FARS2: variants seen among roughly 807,000 people sequenced by gnomAD.
The protein encoded by FARS2 is phenylalanyl-tRNA synthetase 2, mitochondrial.
Under a neutral mutation model 46.4 loss-of-function variants are expected in FARS2, and 40 were observed. The ratio of observed to expected loss-of-function variants is 0.86; its 90% CI spans 0.67 to 1.12. The LOEUF is 1.12. Ranked by LOEUF, FARS2 falls within the 50% of genes most tolerant of loss-of-function variation. The probability of loss-of-function intolerance (pLI) is 0.00; values close to 1 mark genes in which losing one functional copy is unlikely to be tolerated. For synonymous variants in FARS2, 234 were observed against 214.9 expected (o/e 1.09, Z -0.78); for missense variants, 513 against 567.9 (o/e 0.90, Z 0.98).
intron 5 of FARS2, among the ~76,000 whole-genome samples, chr6:5,570,099 G>A (rs1415862025): frequency 6.6e-6 from 1 of 152,164 alleles, no homozygotes; most frequent in Non-Finnish European, 1.5e-5. Flanking sequence ...TTTAATCATA[G>A]CTGTATTAAG....
At chr6:5,494,646 A>C (rs1167093973) in intron 4 of FARS2, among the ~76,000 whole-genome samples, 2 of 151,990 alleles carry the variant, frequency 1.3e-5, no homozygotes, top group Non-Finnish European at 2.9e-5. Flanking sequence ...CATCCTTTCC[A>C]CTTGGAGTAT....
intron 5 of FARS2, among the ~76,000 whole-genome samples, chr6:5,548,138 T>C (rs911405144): frequency 4.6e-5 from 7 of 152,156 alleles, no homozygotes; most frequent in African/African-American, 9.7e-5. Flanking sequence ...ACTTAATCAC[T>C]ATCACGAGAA....
chr6:5,575,587 A>G (rs1772913544), intron 5 of FARS2, among the ~76,000 whole-genome samples: 1 of 152,178 alleles, frequency 6.6e-6, no homozygotes, highest in African/African-American at 2.4e-5. Context: ...TCCAAAGCCC[A>G]TATTCAAATT....
chr6:5,606,806 C>T (rs1282772561), intron 5 of FARS2, among the ~76,000 whole-genome samples: 2 of 152,170 alleles, frequency 1.3e-5, no homozygotes, highest in Non-Finnish European at 2.9e-5. Context: ...AACCCTCAAG[C>T]TTGGGCACCT....
In FARS2 at chr6:5,285,685, C is replaced by T. The variant is rs569644341; in HGVS notation, c.-22+24025C>T. 3.9e-5 allele frequency among the ~76,000 whole-genome samples: 6 copies of T among 152,262 alleles called. No individual in the cohort carries two copies. In the South Asian group the frequency reaches 8.3e-4, roughly 21 times the overall value. ...GCAGCTTTAGGGCAGGTAGAGAAGG[C>T]GTTCATATCTCTTGAAATGTCAATC... On this transcript the variant is annotated intron_variant, in intron 1 of 6. Coordinates refer to ENST00000274680, the MANE Select transcript of FARS2 (RefSeq NM_006567.5).
chr6:5,284,257 C>T (rs553955928), intron 1 of FARS2, among the ~76,000 whole-genome samples: 1 of 152,154 alleles, frequency 6.6e-6, no homozygotes, highest in Non-Finnish European at 1.5e-5. Flanking sequence ...ATATGGAGTG[C>T]TGGTGATGGT....
intron 2 of FARS2, among the ~76,000 whole-genome samples, chr6:5,390,457 T>C (rs2503813): frequency 0.62 from 93,800 of 152,092 alleles, 29,679 homozygotes; most frequent in African/African-American, 0.74. Flanking sequence ...CTGCTCAAGT[T>C]CTACTGTTAC....
chr6:5,478,932 T>G (rs1361034131), intron 4 of FARS2, among the ~76,000 whole-genome samples: 1 of 152,190 alleles, frequency 6.6e-6, no homozygotes, highest in African/African-American at 2.4e-5. Flanking sequence ...AGTGCCAATA[T>G]TTTTAGAAGC....
intron 1 of FARS2, among the ~76,000 whole-genome samples, chr6:5,301,769 G>A (rs1304188261): frequency 6.8e-6 from 1 of 147,020 alleles, no homozygotes; most frequent in Non-Finnish European, 1.5e-5. Context: ...CAGCCTGCTG[G>A]GTGACAGAGT....
Position 5,471,607 on chromosome 6 carries a change from A to G in FARS2, c.904+40435A>G, listed in dbSNP as rs1765810995. Among the ~76,000 whole-genome samples, 1 of 152,210 alleles carries G rather than the reference A, an allele frequency of 6.6e-6. No homozygotes were observed. The highest frequency in any genetic ancestry group is 2.4e-5 in the African/African-American group (1 of 41,450). On this transcript the variant is annotated intron_variant, in intron 4 of 6. Transcript: ENST00000274680. The surrounding 1 kb of genome is among the most constrained non-coding windows in gnomAD (Gnocchi z 4.1). Reference sequence around the variant, plus strand: ...CTATTCTAGTGGCTCTTTGCTTTTAACCAACAAAGGCCCTTAAGAAAAGGA... The same window carrying G: ...CTATTCTAGTGGCTCTTTGCTTTTAGCCAACAAAGGCCCTTAAGAAAAGGA...
At chr6:5,640,178 G>A (rs565938244) in intron 6 of FARS2, among the ~76,000 whole-genome samples, 44 of 151,164 alleles carry the variant, frequency 2.9e-4, no homozygotes, top group African/African-American at 4.4e-4. Flanking sequence ...CTGAGAAAAC[G>A]CGCACACATG....
intron 6 of FARS2, among the ~76,000 whole-genome samples, chr6:5,690,775 T>A (rs558372929): frequency 3.1e-4 from 47 of 152,268 alleles, no homozygotes; most frequent in Non-Finnish European, 5.6e-4. Context: ...TTCTCCTGGA[T>A]AATATCCTGC....
chr6:5,631,618 C>T (rs139937534), intron 6 of FARS2, among the ~76,000 whole-genome samples: 51 of 152,346 alleles, frequency 3.3e-4, no homozygotes, highest in African/African-American at 1.2e-3. Context: ...CTGGAATTGT[C>T]TGAGATCTTG....
At chr6:5,540,933 A>G (rs1251724891) in intron 4 of FARS2, among the ~76,000 whole-genome samples, 1 of 152,134 alleles carries the variant, frequency 6.6e-6, no homozygotes, top group Non-Finnish European at 1.5e-5. Flanking sequence ...AGAACTGTGG[A>G]TAATCTGAGG....
chr6:5,568,777 A>C (rs1772464278), intron 5 of FARS2, among the ~76,000 whole-genome samples: 1 of 152,224 alleles, frequency 6.6e-6, no homozygotes, highest in Non-Finnish European at 1.5e-5. Context: ...TATTTTAGAC[A>C]GATCCCAGTG....
intron 2 of FARS2, among the ~76,000 whole-genome samples, chr6:5,369,619 T>C (rs978829646): frequency 6.6e-6 from 1 of 152,186 alleles, no homozygotes; most frequent in African/African-American, 2.4e-5. Flanking sequence ...CTTAGGTACC[T>C]TAGGGGCCTG....
intron 1 of FARS2, among the ~76,000 whole-genome samples, chr6:5,322,638 T>A (rs1770063140): frequency 6.6e-6 from 1 of 152,242 alleles, no homozygotes; most frequent in Admixed American, 6.5e-5. Context: ...AGGGCTCATC[T>A]TCTTGAGTGG....
chr6:5,423,208 G>A (rs920882680), intron 3 of FARS2, among the ~76,000 whole-genome samples: 1 of 152,006 alleles, frequency 6.6e-6, no homozygotes, highest in Admixed American at 6.6e-5. Flanking sequence ...AGGACCAAAG[G>A]GCTGTGCTGT....
chr6:5,566,338 C>T (rs1046686282), intron 5 of FARS2, among the ~76,000 whole-genome samples: 1 of 152,110 alleles, frequency 6.6e-6, no homozygotes, highest in Non-Finnish European at 1.5e-5. Flanking sequence ...CTAGTTATTA[C>T]ACACCAAAAC....
Sources: gnomAD v4.1 joint callset for allele counts (sites outside exome capture counted in the v4.1 genomes callset) on GRCh38, gnomAD v4.1.1 for gene constraint, Gnocchi (gnomAD v3.1) non-coding constraint, MANE v1.5 for transcripts, NCBI Gene and HGNC (gene_info 2026-07-23, HGNC 2026-07-21) for gene names.